Variants in RSU1 observed in about 807,000 individuals in gnomAD.
The protein encoded by RSU1 is rsu-1.
Under a neutral mutation model 31.1 loss-of-function variants are expected in RSU1, and 26 were observed. The observed-to-expected ratio is 0.84, with a 90% CI of 0.61 to 1.16. RSU1 has a LOEUF of 1.16. RSU1 is among the 50% of genes most tolerant of loss of function. RSU1 has a pLI of 0.00. For missense variants in RSU1, 320 were observed against 339.1 expected, an observed-to-expected ratio of 0.94 and a Z score of 0.44; for synonymous variants, 164 against 136.3, an observed-to-expected ratio of 1.20 and a Z score of -1.41.
intron 8 of RSU1, among the ~76,000 whole-genome samples, chr10:16,644,431 T>C (rs552254974): frequency 6.6e-6 from 1 of 152,382 alleles, no homozygotes; most frequent in East Asian, 1.9e-4. Flanking sequence ...ACGTGCCAGA[T>C]ACCTGGCTGT....
At chr10:16,645,202 C>G (rs1251811981) in intron 8 of RSU1, among the ~76,000 whole-genome samples, 1 of 152,124 alleles carries the variant, frequency 6.6e-6, no homozygotes, top group Non-Finnish European at 1.5e-5. Context: ...TTTGGGCTAG[C>G]AAGGTTGGTG....
chr10:16,708,856 ATTTC>A (rs1324304711), intron 7 of RSU1, among the ~76,000 whole-genome samples: 10 of 149,582 alleles, frequency 6.7e-5, no homozygotes, highest in Non-Finnish European at 1.3e-4. Flanking sequence ...TGTTTTCTTG[ATTTC>A]TTTTTCAGAT....
At chr10:16,775,688 G>T (rs529482834) in intron 3 of RSU1, among the ~76,000 whole-genome samples, 1 of 152,102 alleles carries the variant, frequency 6.6e-6, no homozygotes, top group Non-Finnish European at 1.5e-5. Context: ...CCAAAAAATC[G>T]CAACACATGC....
chr10:16,724,939 G>A (rs147497550), intron 7 of RSU1, among the ~76,000 whole-genome samples: 14 of 152,322 alleles, frequency 9.2e-5, no homozygotes, highest in Middle Eastern at 3.4e-3. Flanking sequence ...GAATGGTTCC[G>A]TTCATGTAGA....
chr10:16,687,975 GCCTTCCCAAAGTA>G lies in RSU1; in HGVS notation c.731+7035_731+7047del, dbSNP rs1169009849. On this transcript the variant is annotated intron_variant, in intron 8 of 8. Transcript: ENST00000345264. Reference sequence around the variant, plus strand: ...TGGGCTCAAGTGATCCTCCTGCCTCGCCTTCCCAAAGTACTGGAATTACAGGCATGAGCCACTG... The same window carrying G: ...TGGGCTCAAGTGATCCTCCTGCCTCGCTGGAATTACAGGCATGAGCCACTG... Among the ~76,000 whole-genome samples the G allele has an allele frequency of 3.3e-5, 5 of 151,894 alleles. No individual in the cohort carries two copies. The East Asian group carries it at 9.7e-4, about 29-fold the overall frequency.
chr10:16,625,951 C>CA (rs1317772706), intron 8 of RSU1, among the ~76,000 whole-genome samples: 1 of 152,148 alleles, frequency 6.6e-6, no homozygotes, highest in Non-Finnish European at 1.5e-5. Context: ...CTGTTGTGAA[C>CA]ATTCGGTAAC....
intron 8 of RSU1, among the ~76,000 whole-genome samples, chr10:16,598,231 G>A (rs879265840): frequency 3.3e-5 from 5 of 152,130 alleles, no homozygotes; most frequent in Non-Finnish European, 7.3e-5. Flanking sequence ...TCATCAAAAG[G>A]GTCCTTATAA....
At chr10:16,744,712 C>T (rs935177589) in intron 7 of RSU1, among the ~76,000 whole-genome samples, 21 of 152,214 alleles carry the variant, frequency 1.4e-4, no homozygotes, top group Admixed American at 5.2e-4. Flanking sequence ...GAACTTGCTC[C>T]CAGCCTCAAT....
intron 8 of RSU1, among the ~76,000 whole-genome samples, chr10:16,659,299 TTC>T (rs1289731233): frequency 1.3e-3 from 183 of 140,810 alleles, no homozygotes; most frequent in African/African-American, 5.5e-3. Context: ...TGAGGTTATA[TTC>T]TTTTTTTTTT....
intron 8 of RSU1, among the ~76,000 whole-genome samples, chr10:16,660,793 C>T (rs570197325): frequency 4.0e-5 from 6 of 151,726 alleles, no homozygotes; most frequent in South Asian, 4.2e-4. Context: ...ATTACAGGCA[C>T]GTACCACTAC....
At chr10:16,754,759 A>C in intron 5 of RSU1, 112 bp downstream of exon 5, 1 of 699,546 alleles carries the variant, frequency 1.4e-6, no homozygotes, top group East Asian at 2.6e-5. Flanking sequence ...CTAAAGAAAA[A>C]ATTATCTCTG....
At chr10:16,634,419 G>T (rs1002742260) in intron 8 of RSU1, among the ~76,000 whole-genome samples, 1 of 152,092 alleles carries the variant, frequency 6.6e-6, no homozygotes, top group Non-Finnish European at 1.5e-5. Context: ...TGCATCTCCC[G>T]GTATTTGTTA....
chr10:16,687,839 C>T (rs1173065577), intron 8 of RSU1, among the ~76,000 whole-genome samples: 1 of 152,106 alleles, frequency 6.6e-6, no homozygotes, highest in Admixed American at 6.5e-5. Flanking sequence ...CCCACCTCAG[C>T]CACCCAAGTA....
chr10:16,692,509 T>C (rs1835579692), intron 8 of RSU1, among the ~76,000 whole-genome samples: 2 of 152,182 alleles, frequency 1.3e-5, no homozygotes, highest in South Asian at 4.1e-4. Context: ...CATTTTTCTG[T>C]ATACTATCAT....
chr10:16,798,783 T>G (rs1472144187), intron 2 of RSU1, among the ~76,000 whole-genome samples: 3 of 152,202 alleles, frequency 2.0e-5, no homozygotes, highest in Non-Finnish European at 2.9e-5. Context: ...CATACTCCAG[T>G]AAAATTACAG....
rs1296883608 is a variant in RSU1, at chr10:16,592,503, C to G, written c.*891G>C. ...CACATTTACACAACTTCCTTGGCAT[C>G]GAAGTCGCTTAGAAGAATGCTTCGA... On this transcript the variant is annotated 3_prime_UTR_variant, in exon 9 of 9. Coordinates refer to ENST00000345264, the MANE Select transcript of RSU1 (RefSeq NM_012425.4). 1 of 152,178 alleles carries G rather than the reference C, an allele frequency of 6.6e-6. No individual in the cohort carries two copies. The highest frequency in any genetic ancestry group is 2.4e-5 in the African/African-American group (1 of 41,438). The allele number at this position is 152,178 out of a possible 1,614,324, so 9.4% of individuals were successfully genotyped here.
intron 7 of RSU1, among the ~76,000 whole-genome samples, chr10:16,718,938 G>GC (rs1836198940): frequency 6.7e-6 from 1 of 149,192 alleles, no homozygotes; most frequent in South Asian, 2.1e-4. Context: ...CTGAGATCAT[G>GC]CCAGTGCACT....
intron 2 of RSU1, among the ~76,000 whole-genome samples, chr10:16,803,048 G>A (rs886773826): frequency 2.0e-5 from 3 of 152,092 alleles, no homozygotes; most frequent in African/African-American, 4.8e-5. Context: ...GTAAGAAAAA[G>A]CAGCAAAATG....
chr10:16,804,043 G>A (rs1466509363), intron 2 of RSU1, among the ~76,000 whole-genome samples: 12 of 151,980 alleles, frequency 7.9e-5, no homozygotes, highest in Admixed American at 5.9e-4. Context: ...AAAGACCAGC[G>A]CCAACAAGGA....
Sources: allele counts gnomAD v4.1 joint callset (sites outside exome capture counted in the v4.1 genomes callset), GRCh38; gene constraint gnomAD v4.1.1; transcripts MANE v1.5; gene names NCBI Gene and HGNC (gene_info 2026-07-23, HGNC 2026-07-21).